The following SNX25 variants were observed in gnomAD, a reference collection of about 807,000 sequenced individuals.
The protein encoded by SNX25 is sorting nexin 25, also known as sorting nexin-25.
Under a neutral mutation model 113.7 loss-of-function variants are expected in SNX25, and 62 were observed. The observed-to-expected ratio is 0.55, with a 90% CI of 0.44 to 0.67. The LOEUF is 0.67. Among genes scored for constraint, SNX25 ranks in the 30% least tolerant of loss-of-function variants. SNX25 has a pLI of 0.00. For synonymous variants in SNX25, 421 were observed against 436.2 expected (o/e 0.97, Z 0.43); for missense variants, 1,014 against 1,161.0 (o/e 0.87, Z 1.84).
In SNX25 at chr4:185,318,338, C is replaced by T. The variant is rs571419046; in HGVS notation, c.1345-2395C>T. Among the ~76,000 whole-genome samples the T allele has an allele frequency of 1.7e-4, 26 of 152,298 alleles. No homozygotes were observed. The South Asian group carries it at 5.2e-3, about 30-fold the overall frequency. On this transcript the variant is annotated intron_variant, in intron 7 of 18. Transcript: ENST00000652585. ...TCCTAAATTAATGTGAGGCATTTTT[C>T]CTAATTCATTGTCACGAATTATTAT...
chr4:185,291,755 T>TC (rs1245418259), intron 6 of SNX25, among the ~76,000 whole-genome samples: 1 of 152,170 alleles, frequency 6.6e-6, no homozygotes, highest in African/African-American at 2.4e-5. Context: ...GTCTCTGTTT[T>TC]CTCAACAGGG....
downstream of SNX25, chr4:185,370,881 G>A (rs926344169): frequency 6.0e-6 from 9 of 1,509,178 alleles, no homozygotes; most frequent in Admixed American, 1.7e-5. Flanking sequence ...AAAACGATGC[G>A]CCTAGAGACT....
chr4:185,248,180 A>C (rs1745124014), intron 2 of SNX25, among the ~76,000 whole-genome samples: 1 of 152,304 alleles, frequency 6.6e-6, no homozygotes, highest in South Asian at 2.1e-4. Flanking sequence ...GATTCACAGA[A>C]TTTTAGACCT....
At chr4:185,233,557 G>C (rs560769983) in intron 1 of SNX25, among the ~76,000 whole-genome samples, 1 of 151,898 alleles carries the variant, frequency 6.6e-6, no homozygotes, top group Non-Finnish European at 1.5e-5. Flanking sequence ...TATTGTCAGG[G>C]TTTTCAGTTA....
chr4:185,297,421 C>T (rs73027756), intron 6 of SNX25, among the ~76,000 whole-genome samples: 8,463 of 152,264 alleles, frequency 0.056, 286 homozygotes, highest in South Asian at 0.068. Context: ...TACCTTTCTA[C>T]TTAATCTCTG....
intron 1 of SNX25, among the ~76,000 whole-genome samples, chr4:185,216,120 G>GT (rs1326926728): frequency 2.0e-5 from 3 of 151,914 alleles, no homozygotes; most frequent in Non-Finnish European, 4.4e-5. Flanking sequence ...TTTTAATTTA[G>GT]TTTTTTCCAT....
chr4:185,257,107 G>A (rs1412896579), intron 2 of SNX25, among the ~76,000 whole-genome samples: 1 of 147,248 alleles, frequency 6.8e-6, no homozygotes, highest in African/African-American at 2.5e-5. Context: ...GCAAAGAAAA[G>A]CAGGAGGATA....
In SNX25 at chr4:185,220,687, A is replaced by G. The variant is rs111629162; in HGVS notation, c.429+10432A>G. ...AGTAGAGACGGGGTTTCACCATGTT[A>G]GCCAGGATGGTCTCGATCTCCTGAC... On this transcript the variant is annotated intron_variant, in intron 1 of 18. Transcript: ENST00000652585. 5.1e-4 allele frequency among the ~76,000 whole-genome samples: 77 copies of G among 151,794 alleles called. 1 individual carries two copies. Among genetic ancestry groups the G allele is most frequent in the East Asian group, 2.0e-3 (10 of 5,118 alleles).
At chr4:185,371,728 TCTAA>T (rs1219849897), downstream of SNX25, among the ~76,000 whole-genome samples, 15 of 152,214 alleles carry the variant, frequency 9.9e-5, 2 homozygotes, top group East Asian at 2.9e-3. Context: ...AAGTCTTAGT[TCTAA>T]CTAAGATGGG....
intron 16 of SNX25, 80 bp downstream of exon 16, chr4:185,357,817 C>G: frequency 8.6e-7 from 1 of 1,163,314 alleles, no homozygotes; most frequent in Non-Finnish European, 1.3e-6. Context: ...GATCTAGCAG[C>G]CAGTCATTTA....
intron 6 of SNX25, among the ~76,000 whole-genome samples, chr4:185,292,693 G>A (rs1456468869): frequency 5.3e-5 from 8 of 152,122 alleles, no homozygotes; most frequent in African/African-American, 1.2e-4. Flanking sequence ...ATGAGCCACC[G>A]CACCCGGCCA....
chr4:185,262,831 A>T (rs1254731146), intron 3 of SNX25, among the ~76,000 whole-genome samples: 8 of 152,240 alleles, frequency 5.3e-5, no homozygotes, highest in Non-Finnish European at 2.9e-5. Context: ...CACAGTAAGG[A>T]TGCTGCAAAG....
intron 5 of SNX25, among the ~76,000 whole-genome samples, chr4:185,275,337 G>T (rs912453604): frequency 6.6e-6 from 1 of 152,288 alleles, no homozygotes; most frequent in South Asian, 2.1e-4. Context: ...TTAGCTTGGA[G>T]AAGAAAAGAA....
At chr4:185,207,670 G>C (rs1303607768), upstream of SNX25, 1 of 152,190 alleles carries the variant, frequency 6.6e-6, no homozygotes, top group Admixed American at 6.5e-5. Context: ...TGGACCACAT[G>C]GAGTAACAAC....
intron 1 of SNX25, among the ~76,000 whole-genome samples, chr4:185,238,586 A>G (rs1381059503): frequency 6.6e-6 from 1 of 152,186 alleles, no homozygotes; most frequent in East Asian, 1.9e-4. Flanking sequence ...ATGAGATCCC[A>G]GTAGATTGTC....
chr4:185,285,104 A>G (rs190696039), intron 5 of SNX25, among the ~76,000 whole-genome samples: 2 of 152,324 alleles, frequency 1.3e-5, no homozygotes, highest in Non-Finnish European at 2.9e-5. Context: ...TTTTAACACA[A>G]CTGCCATTCA....
intron 7 of SNX25, among the ~76,000 whole-genome samples, chr4:185,319,269 T>C (rs1388788675): frequency 2.1e-5 from 3 of 144,296 alleles, no homozygotes; most frequent in East Asian, 4.2e-4. Context: ...GCAATCTCAG[T>C]TCACAACAAC....
intron 5 of SNX25, among the ~76,000 whole-genome samples, chr4:185,277,610 G>A (rs189155200): frequency 1.5e-4 from 23 of 150,372 alleles, no homozygotes; most frequent in Admixed American, 4.6e-4. Flanking sequence ...AGTATATAGA[G>A]TATTTCCAAA....
chr4:185,377,290 G>A, the SNX25 span: 9 of 338,438 alleles, frequency 2.7e-5, no homozygotes, highest in South Asian at 1.2e-4. Context: ...AGGCCGAGGC[G>A]GGTGGATCAC....
Sources: gnomAD v4.1 joint callset for allele counts (sites outside exome capture counted in the v4.1 genomes callset) on GRCh38, gnomAD v4.1.1 for gene constraint, MANE v1.5 for transcripts, NCBI Gene and HGNC (gene_info 2026-07-23, HGNC 2026-07-21) for gene names.